Variants in MICAL2 observed in about 807,000 individuals in gnomAD.
MICAL2 encodes the protein [F-actin]-monooxygenase MICAL2.
Under a neutral mutation model 127.3 loss-of-function variants are expected in MICAL2, and 77 were observed. The ratio of observed to expected loss-of-function variants is 0.60; its 90% CI spans 0.50 to 0.73. MICAL2 has a LOEUF of 0.73. Ranked by LOEUF, MICAL2 falls within the 30% of genes least tolerant of loss-of-function variation. The pLI, the probability that MICAL2 is intolerant of heterozygous loss-of-function variation, is 0.00. For missense variants in MICAL2, 1,351 were observed against 1,434.4 expected, an observed-to-expected ratio of 0.94 and a Z score of 0.94; for synonymous variants, 570 against 551.1, an observed-to-expected ratio of 1.03 and a Z score of -0.48.
intron 3 of MICAL2, among the ~76,000 whole-genome samples, chr11:12,173,232 C>T (rs1202705237): frequency 6.6e-6 from 1 of 152,180 alleles, no homozygotes; most frequent in Non-Finnish European, 1.5e-5. Context: ...GATGTAAATA[C>T]AGGGTAGCGA....
chr11:12,189,679 G>C (rs1206017050), intron 3 of MICAL2, among the ~76,000 whole-genome samples: 1 of 152,212 alleles, frequency 6.6e-6, no homozygotes, highest in Non-Finnish European at 1.5e-5. Context: ...TGATGCATTA[G>C]ACCTGGGTCC....
intron 34 of MICAL2, among the ~76,000 whole-genome samples, chr11:12,355,257 G>T (rs1398326211): frequency 1.3e-5 from 2 of 152,082 alleles, no homozygotes; most frequent in African/African-American, 4.8e-5. Flanking sequence ...GTGAGATGAA[G>T]GCCACATCAG....
intron 15 of MICAL2, among the ~76,000 whole-genome samples, chr11:12,229,806 T>C (rs140083621): frequency 9.6e-4 from 146 of 152,368 alleles, no homozygotes; most frequent in Middle Eastern, 3.4e-3. Context: ...AGCCCAATTC[T>C]GGCCCCTTTT....
chr11:12,331,118 T>G lies in MICAL2; in HGVS notation c.5515+3852T>G, dbSNP rs1864423113. Among the ~76,000 whole-genome samples, 2 of 152,246 alleles carry G rather than the reference T, an allele frequency of 1.3e-5. 1 individual carries two copies. Among genetic ancestry groups the G allele is most frequent in the South Asian group, 4.1e-4 (2 of 4,822 alleles). On this transcript the variant is annotated intron_variant, in intron 32 of 34. Coordinates refer to the MICAL2 transcript ENST00000646065. Reference sequence around the variant, plus strand: ...AGACTCTTATTGGTTGAGGCACTGTTACCTACTGGCTTGTTGCTTGTCAAT... The same window carrying G: ...AGACTCTTATTGGTTGAGGCACTGTGACCTACTGGCTTGTTGCTTGTCAAT...
intron 3 of MICAL2, among the ~76,000 whole-genome samples, chr11:12,202,008 G>A (rs762452838): frequency 2.6e-5 from 4 of 152,136 alleles, no homozygotes; most frequent in Non-Finnish European, 5.9e-5. Context: ...TGTAATCCCA[G>A]CTACTCAGGA....
At chr11:12,200,130 G>C (rs1448644529) in intron 3 of MICAL2, among the ~76,000 whole-genome samples, 2 of 152,218 alleles carry the variant, frequency 1.3e-5, no homozygotes, top group African/African-American at 2.4e-5. Flanking sequence ...TGAACACACA[G>C]AAATACAGAG....
At chr11:12,162,483 G>A (rs1445330651) in intron 3 of MICAL2, 64 bp downstream of exon 3, 1 of 1,584,288 alleles carries the variant, frequency 6.3e-7, no homozygotes, top group Non-Finnish European at 8.6e-7. Context: ...GGGAGGTTAG[G>A]AAGCTGTTGC....
At chr11:12,255,934 A>G (rs1249433091) in intron 23 of MICAL2, 184 bp downstream of exon 23, 2 of 551,636 alleles carry the variant, frequency 3.6e-6, no homozygotes, top group Non-Finnish European at 6.5e-6. Flanking sequence ...CCTTAAAGAC[A>G]GATCTCACTC....
intron 29 of MICAL2, among the ~76,000 whole-genome samples, chr11:12,308,910 G>C (rs1442866348): frequency 6.6e-6 from 1 of 152,114 alleles, no homozygotes; most frequent in Non-Finnish European, 1.5e-5. Flanking sequence ...TCCATTCCTA[G>C]CTTGCTATGA....
Position 12,140,607 on chromosome 11 carries a change from G to C in MICAL2, c.-78+2147G>C, listed in dbSNP as rs73412290. Among the ~76,000 whole-genome samples, 572 of 152,088 alleles carry C rather than the reference G, an allele frequency of 3.8e-3. 3 individuals carry two copies. The highest frequency in any genetic ancestry group is 0.013 in the African/African-American group (536 of 41,432). ...AGTTTCTTGCCATGATAAGGAACTG[G>C]TGAGCTCTCTTCTCACCCAGCCATA... is the stretch of plus-strand genomic sequence containing the variant. On this transcript the variant is annotated intron_variant, in intron 2 of 27. Transcript: ENST00000683283.
chr11:12,177,908 C>T (rs191520652), intron 3 of MICAL2, among the ~76,000 whole-genome samples: 39 of 152,278 alleles, frequency 2.6e-4, no homozygotes, highest in African/African-American at 8.4e-4. Flanking sequence ...CCCATGACCC[C>T]GTTGAAGTAA....
chr11:12,120,522 C>T (rs1007697645), intron 1 of MICAL2, among the ~76,000 whole-genome samples: 6 of 152,120 alleles, frequency 3.9e-5, no homozygotes, highest in African/African-American at 1.4e-4. Context: ...GGCTGAACAC[C>T]GAGACAGAGT....
At position 12,224,686 on chromosome 11, in the gene MICAL2, G is replaced by T. The variant is rs3816921; in HGVS notation, c.1554G>T (p.Arg518=). 3.7e-6 allele frequency: 6 copies of T among 1,613,778 alleles called. No homozygotes were observed. In the Admixed American group the frequency reaches 1.0e-4, roughly 27 times the overall value. ...VNLSRKESDI[R]PSKLLTWCQQ... is the part of the protein sequence containing the mutation. ...TCCTTCTTGCAGAGTCAGATATCCG[G>T]CCCAGCAAGCTCCTGACCTGGTGCC... Residue 518 remains arginine (R), a synonymous_variant, in exon 13 of 28, where the codon CGG becomes CGT. Coordinates refer to ENST00000683283, the MANE Select transcript of MICAL2 (RefSeq NM_001282663.2).
intron 1 of MICAL2, among the ~76,000 whole-genome samples, chr11:12,117,637 G>A (rs1385593918): frequency 1.3e-5 from 2 of 152,122 alleles, no homozygotes; most frequent in African/African-American, 2.4e-5. Context: ...GGTCTGCCAG[G>A]GGCTTGGTTG....
At chr11:12,255,557 C>A in intron 22 of MICAL2, 86 bp from the exon 23 acceptor site, 1 of 1,194,142 alleles carries the variant, frequency 8.4e-7, no homozygotes, top group Non-Finnish European at 1.2e-6. Context: ...GAGCCCTCTC[C>A]CCATCCATCC....
chr11:12,240,934 G>T (rs1019033611), intron 17 of MICAL2, 106 bp from the exon 18 acceptor site: 4 of 1,433,702 alleles, frequency 2.8e-6, no homozygotes, highest in Middle Eastern at 1.8e-4. Flanking sequence ...TGCAACCTTC[G>T]TCTCCCTGCT....
At chr11:12,332,657 G>A (rs902543530) in intron 32 of MICAL2, among the ~76,000 whole-genome samples, 6 of 152,140 alleles carry the variant, frequency 3.9e-5, no homozygotes, top group African/African-American at 1.2e-4. Context: ...CAAGTCCCAT[G>A]GTGTGACATG....
At chr11:12,338,146 G>T (rs1038777402) in intron 32 of MICAL2, among the ~76,000 whole-genome samples, 1 of 152,106 alleles carries the variant, frequency 6.6e-6, no homozygotes, top group South Asian at 2.1e-4. Flanking sequence ...TCCTGTATTG[G>T]GTGCATATAT....
At chr11:12,299,096 C>G (rs572166178) in intron 29 of MICAL2, among the ~76,000 whole-genome samples, 2 of 152,220 alleles carry the variant, frequency 1.3e-5, no homozygotes, top group South Asian at 4.1e-4. Context: ...AGTATGACTT[C>G]CTTGCCTTGG....
Sources: allele counts gnomAD v4.1 joint callset (sites outside exome capture counted in the v4.1 genomes callset), GRCh38; gene constraint gnomAD v4.1.1; transcripts MANE v1.5; gene names NCBI Gene and HGNC (gene_info 2026-07-23, HGNC 2026-07-21).